FRMD5: variants seen among roughly 807,000 people sequenced by gnomAD.
FRMD5 encodes the protein FERM domain-containing protein 5.
FRMD5 carries 20 observed loss-of-function variants against 69.0 expected under a neutral mutation model. The observed-to-expected ratio is 0.29, with a 90% confidence interval of 0.20 to 0.42. FRMD5 has a LOEUF of 0.42. Among genes scored for constraint, FRMD5 ranks in the 10% least tolerant of loss-of-function variants. FRMD5 has a pLI of 1.00. For synonymous variants in FRMD5, 271 were observed against 260.1 expected, an observed-to-expected ratio of 1.04 and a Z score of -0.40; for missense variants, 595 against 708.6, an observed-to-expected ratio of 0.84 and a Z score of 1.82.
intron 1 of FRMD5, among the ~76,000 whole-genome samples, chr15:44,034,531 A>G (rs1432863125): frequency 6.6e-6 from 1 of 152,216 alleles, no homozygotes. Context: ...AAATTTTGCA[A>G]TAAAAGATTA....
intron 1 of FRMD5, among the ~76,000 whole-genome samples, chr15:44,127,025 A>C (rs752426482): frequency 2.0e-5 from 3 of 152,174 alleles, no homozygotes; most frequent in Non-Finnish European, 1.5e-5. Context: ...AATAATAAAC[A>C]CCTAGAGAGG....
At chr15:43,959,395 G>A (rs941765593) in intron 1 of FRMD5, among the ~76,000 whole-genome samples, 9 of 152,212 alleles carry the variant, frequency 5.9e-5, no homozygotes, top group African/African-American at 2.2e-4. Flanking sequence ...TAGTTCCCAA[G>A]AAATCAAATG....
At chr15:44,154,609 G>A (rs1451127515) in intron 1 of FRMD5, among the ~76,000 whole-genome samples, 1 of 152,190 alleles carries the variant, frequency 6.6e-6, no homozygotes, top group Non-Finnish European at 1.5e-5. Flanking sequence ...TTAGTGAACT[G>A]TTTTCCCTGC....
At chr15:43,968,003 T>A (rs547863017) in intron 1 of FRMD5, among the ~76,000 whole-genome samples, 2 of 150,070 alleles carry the variant, frequency 1.3e-5, no homozygotes, top group Non-Finnish European at 3.0e-5. Context: ...CACTTATGAG[T>A]GAGAACAATG....
At chr15:44,168,308 A>G (rs1379833073) in intron 1 of FRMD5, among the ~76,000 whole-genome samples, 2 of 152,194 alleles carry the variant, frequency 1.3e-5, no homozygotes, top group African/African-American at 2.4e-5. Context: ...AAATACTGGC[A>G]TTTTAAAAAT....
intron 1 of FRMD5, among the ~76,000 whole-genome samples, chr15:44,167,607 T>A (rs55715955): frequency 0.11 from 17,216 of 151,178 alleles, 1,128 homozygotes; most frequent in South Asian, 0.26. Context: ...TTTTTTTTTT[T>A]AAGACAGAGT....
At chr15:43,964,289 T>A (rs1307156171) in intron 1 of FRMD5, among the ~76,000 whole-genome samples, 1 of 151,892 alleles carries the variant, frequency 6.6e-6, no homozygotes, top group East Asian at 1.9e-4. Context: ...CCGTGTTCAT[T>A]TCTGTGATAA....
chr15:43,938,594 G>A (rs941202445), intron 1 of FRMD5, among the ~76,000 whole-genome samples: 5 of 152,128 alleles, frequency 3.3e-5, no homozygotes, highest in African/African-American at 1.2e-4. Flanking sequence ...ACAGCCCATT[G>A]CTTGAATTCT....
At chr15:43,912,754 A>G (rs1387752477) in intron 4 of FRMD5, among the ~76,000 whole-genome samples, 1 of 151,510 alleles carries the variant, frequency 6.6e-6, no homozygotes, top group Non-Finnish European at 1.5e-5. Context: ...GCGGTGGCTC[A>G]CGCCTGTAAT....
intron 1 of FRMD5, among the ~76,000 whole-genome samples, chr15:44,147,353 G>A (rs994132574): frequency 6.6e-6 from 1 of 152,104 alleles, no homozygotes; most frequent in African/African-American, 2.4e-5. Flanking sequence ...TGGTATACAT[G>A]TCTGTTTTCA....
At chr15:43,989,371 C>T (rs141171465) in intron 1 of FRMD5, 96 of 785,354 alleles carry the variant, frequency 1.2e-4, no homozygotes, top group Admixed American at 6.8e-4. Context: ...ATGGATGCCG[C>T]GGGATTCCAT....
At chr15:44,171,015 T>C (rs1027922687) in intron 1 of FRMD5, among the ~76,000 whole-genome samples, 1 of 152,218 alleles carries the variant, frequency 6.6e-6, no homozygotes, top group East Asian at 1.9e-4. Context: ...CATGTTGCTA[T>C]GTTTTTTAAA....
chr15:43,875,368 A>T (rs2088311052), intron 13 of FRMD5, among the ~76,000 whole-genome samples: 1 of 87,860 alleles, frequency 1.1e-5, no homozygotes, highest in African/African-American at 4.3e-5. Context: ...AAAAAAATAT[A>T]TATATATATA....
At chr15:43,922,668 CTT>C (rs397970648) in intron 2 of FRMD5, among the ~76,000 whole-genome samples, 103 of 139,596 alleles carry the variant, frequency 7.4e-4, no homozygotes, top group Middle Eastern at 3.5e-3. Context: ...ACTGGCCCTC[CTT>C]TTTTTTTTTT....
intron 10 of FRMD5, 33 bp from the exon 11 acceptor site, chr15:43,885,788 G>A: frequency 6.5e-7 from 1 of 1,535,250 alleles, no homozygotes; most frequent in Non-Finnish European, 9.0e-7. Context: ...GTGATAGACA[G>A]CCTGAACTGC....
At chr15:44,085,841 T>G (rs1894175661) in intron 1 of FRMD5, among the ~76,000 whole-genome samples, 1 of 152,164 alleles carries the variant, frequency 6.6e-6, no homozygotes. Context: ...ATGTATTATC[T>G]CAATTATGAC....
chr15:44,164,691 C>T (rs549557365), intron 1 of FRMD5, among the ~76,000 whole-genome samples: 1 of 152,198 alleles, frequency 6.6e-6, no homozygotes, highest in Non-Finnish European at 1.5e-5. Flanking sequence ...CCCAGCCTCC[C>T]CTACAGCTAG....
chr15:44,026,225 C>G (rs1217510388), intron 1 of FRMD5, among the ~76,000 whole-genome samples: 2 of 152,250 alleles, frequency 1.3e-5, no homozygotes, highest in African/African-American at 4.8e-5. Context: ...AAGTGATCCA[C>G]CCGCCTTGGC....
chr15:44,196,545 A>G (rs2078300719), upstream of FRMD5, among the ~76,000 whole-genome samples: 1 of 152,150 alleles, frequency 6.6e-6, no homozygotes, highest in Admixed American at 6.5e-5. Context: ...AAATAGGCAT[A>G]ATTTCCTATT....
Sources: gnomAD v4.1 joint callset for allele counts (sites outside exome capture counted in the v4.1 genomes callset) on GRCh38, gnomAD v4.1.1 for gene constraint, MANE v1.5 for transcripts, NCBI Gene and HGNC (gene_info 2026-07-23, HGNC 2026-07-21) for gene names.